The following NAALADL2 variants were observed in gnomAD, a reference collection of about 807,000 sequenced individuals.
NAALADL2 encodes inactive N-acetylated-alpha-linked acidic dipeptidase-like protein 2.
A neutral mutation model predicts 87.2 loss-of-function variants in NAALADL2; 76 were observed. The ratio of observed to expected loss-of-function variants is 0.87; its 90% CI spans 0.72 to 1.05. NAALADL2 has a LOEUF of 1.05. Ranked by LOEUF, NAALADL2 falls within the 50% of genes least tolerant of loss-of-function variation. NAALADL2 has a pLI of 0.00. For synonymous variants in NAALADL2, 354 were observed against 331.0 expected, an observed-to-expected ratio of 1.07 and a Z score of -0.75; for missense variants, 1,089 against 945.8, an observed-to-expected ratio of 1.15 and a Z score of -1.99.
intron 1 of NAALADL2, among the ~76,000 whole-genome samples, chr3:174,971,380 G>C (rs1454652659): frequency 6.6e-6 from 1 of 152,166 alleles, no homozygotes; most frequent in Non-Finnish European, 1.5e-5. Flanking sequence ...TTAAGCATTT[G>C]CTTTCTATCT....
At chr3:174,773,546 A>G (rs1714836194) in intron 3 of NAALADL2, among the ~76,000 whole-genome samples, 1 of 152,170 alleles carries the variant, frequency 6.6e-6, no homozygotes, top group South Asian at 2.1e-4. Context: ...AGAACTATGA[A>G]CATATCTAGT....
intron 1 of NAALADL2, among the ~76,000 whole-genome samples, chr3:175,053,352 G>A (rs1295398845): frequency 1.3e-5 from 2 of 152,106 alleles, no homozygotes; most frequent in Non-Finnish European, 2.9e-5. Flanking sequence ...TTGTTGTCCC[G>A]CTTTCCTCAG....
intron 10 of NAALADL2, among the ~76,000 whole-genome samples, chr3:175,611,640 T>C (rs1291136874): frequency 6.6e-6 from 1 of 152,160 alleles, no homozygotes; most frequent in Non-Finnish European, 1.5e-5. Context: ...AAAATCGAGA[T>C]AACTGATTAT....
At chr3:174,846,377 G>A (rs1724615495) in intron 3 of NAALADL2, among the ~76,000 whole-genome samples, 1 of 152,066 alleles carries the variant, frequency 6.6e-6, no homozygotes, top group Admixed American at 6.5e-5. Context: ...TTTCCTTTTT[G>A]TCAGGGGATG....
At chr3:175,060,560 A>T (rs907057777) in intron 1 of NAALADL2, among the ~76,000 whole-genome samples, 5 of 152,236 alleles carry the variant, frequency 3.3e-5, no homozygotes, top group African/African-American at 1.2e-4. Flanking sequence ...GTTGTGTTTA[A>T]TTATTAACAT....
At chr3:175,802,943 A>G (rs997344156) in intron 13 of NAALADL2, 62 bp from the exon 14 acceptor site, 26 of 1,056,484 alleles carry the variant, frequency 2.5e-5, no homozygotes, top group South Asian at 2.1e-4. Flanking sequence ...TATTCATTCC[A>G]ACGTTTGATA....
chr3:175,093,627 A>G (rs192655892), intron 1 of NAALADL2, among the ~76,000 whole-genome samples: 1 of 150,722 alleles, frequency 6.6e-6, no homozygotes, highest in East Asian at 1.9e-4. Context: ...AATTGATTTT[A>G]CCAAGTTAGT....
intron 2 of NAALADL2, among the ~76,000 whole-genome samples, chr3:174,685,512 A>AT (rs1260203905): frequency 3.9e-5 from 6 of 152,062 alleles, no homozygotes; most frequent in South Asian, 4.2e-4. Flanking sequence ...AGCTAGAGAA[A>AT]TTTTTTTTAA....
intron 1 of NAALADL2, among the ~76,000 whole-genome samples, chr3:174,548,903 G>A (rs113801777): frequency 0.075 from 11,426 of 152,150 alleles, 639 homozygotes; most frequent in African/African-American, 0.16. Context: ...GCAGTGGCAC[G>A]ATCACAGCTC....
intron 2 of NAALADL2, among the ~76,000 whole-genome samples, chr3:174,613,016 G>A (rs902041631): frequency 6.6e-6 from 1 of 152,206 alleles, no homozygotes; most frequent in Admixed American, 6.5e-5. Flanking sequence ...CTCAAGCCCA[G>A]TACTTCTGTG....
At chr3:174,532,141 A>G (rs540768348) in intron 1 of NAALADL2, among the ~76,000 whole-genome samples, 11 of 152,322 alleles carry the variant, frequency 7.2e-5, no homozygotes, top group African/African-American at 2.4e-4. Context: ...ACATTTATTA[A>G]GTCTCTACTT....
chr3:175,467,491 C>CA (rs552972630), intron 8 of NAALADL2, among the ~76,000 whole-genome samples: 196 of 151,950 alleles, frequency 1.3e-3, no homozygotes, highest in African/African-American at 4.4e-3. Flanking sequence ...AGGCACTGGA[C>CA]AAAAAAGGAT....
chr3:174,778,126 C>T (rs938412728), intron 3 of NAALADL2, among the ~76,000 whole-genome samples: 1 of 152,048 alleles, frequency 6.6e-6, no homozygotes, highest in African/African-American at 2.4e-5. Context: ...ACATTCTAGA[C>T]TTTCCATGAT....
chr3:175,473,032 G>A (rs1359010544), intron 9 of NAALADL2, among the ~76,000 whole-genome samples: 1 of 152,052 alleles, frequency 6.6e-6, no homozygotes. Context: ...CTTATCGTGT[G>A]TGACAAGTTT....
At chr3:175,770,950 A>G (rs1324523541) in intron 13 of NAALADL2, among the ~76,000 whole-genome samples, 1 of 152,216 alleles carries the variant, frequency 6.6e-6, no homozygotes, top group African/African-American at 2.4e-5. Context: ...CAACTAAAGA[A>G]TAGAAATGTT....
At chr3:174,950,331 T>G (rs1173919469) in intron 1 of NAALADL2, among the ~76,000 whole-genome samples, 1 of 152,116 alleles carries the variant, frequency 6.6e-6, no homozygotes, top group African/African-American at 2.4e-5. Flanking sequence ...TGGTATATCT[T>G]GAGAATCACA....
intron 1 of NAALADL2, among the ~76,000 whole-genome samples, chr3:174,450,600 G>A (rs1035316040): frequency 3.9e-5 from 6 of 152,020 alleles, no homozygotes; most frequent in South Asian, 2.1e-4. Flanking sequence ...GGCTGGGCGC[G>A]GTGGCTATTG....
At chr3:174,508,899 AT>A (rs1719400080) in intron 1 of NAALADL2, among the ~76,000 whole-genome samples, 1 of 152,150 alleles carries the variant, frequency 6.6e-6, no homozygotes, top group Non-Finnish European at 1.5e-5. Context: ...TATAATAACA[AT>A]TAATTTCTAA....
At chr3:175,590,368 A>T (rs1721251104) in intron 10 of NAALADL2, among the ~76,000 whole-genome samples, 1 of 148,282 alleles carries the variant, frequency 6.7e-6, no homozygotes, top group South Asian at 2.1e-4. Context: ...AGAATAGTCG[A>T]TATAGTGTCT....
Sources: allele counts gnomAD v4.1 joint callset (sites outside exome capture counted in the v4.1 genomes callset), GRCh38; gene constraint gnomAD v4.1.1; transcripts MANE v1.5; gene names NCBI Gene and HGNC (gene_info 2026-07-23, HGNC 2026-07-21).